TMEM74: variants seen among roughly 807,000 people sequenced by gnomAD.
TMEM74 encodes transmembrane protein 74.
TMEM74 carries 13 observed loss-of-function variants against 18.1 expected under a neutral mutation model. The observed-to-expected ratio is 0.72, with a 90% CI of 0.47 to 1.14. The LOEUF (loss-of-function observed/expected upper bound fraction) is 1.14, where lower values mean the gene tolerates loss of function less well. TMEM74 is among the 50% of genes most tolerant of loss of function. The pLI is 0.00. For synonymous variants in TMEM74, 159 were observed against 146.6 expected (o/e 1.08, Z -0.61); for missense variants, 372 against 375.9 (o/e 0.99, Z 0.09).
At position 108,780,091 on chromosome 8, in the gene TMEM74, A is replaced by G. The variant is rs560774329; in HGVS notation, c.*4090T>C. On this transcript the variant is annotated 3_prime_UTR_variant, in exon 2 of 2. Coordinates refer to ENST00000297459, the MANE Select transcript of TMEM74 (RefSeq NM_153015.3). ...TCATCGTAGTCATTCTTTATGTCCAATTCTGGGAAAGGTTAAACCCATTAC... is the reference window on the plus strand; with the variant it reads ...TCATCGTAGTCATTCTTTATGTCCAGTTCTGGGAAAGGTTAAACCCATTAC... Among the ~76,000 whole-genome samples the G allele has an allele frequency of 9.8e-5, 15 of 152,306 alleles. No individual in the cohort carries two copies. In the South Asian group the frequency reaches 2.5e-3, roughly 25 times the overall value.
Position 108,784,744 on chromosome 8 carries a change from TGATGTTTTTGTCCACATAGGTAAAA to T in TMEM74, c.330_354del (p.Phe111ThrfsTer37), listed in dbSNP as rs1358369163. The T allele has an allele frequency of 3.1e-6, 5 of 1,614,180 alleles. No homozygotes were observed. In the South Asian group the frequency reaches 5.5e-5, roughly 18 times the overall value. ...GAGCTCCGGTTCCGCTGCTCCAAGTTGATGTTTTTGTCCACATAGGTAAAAGAAGTTTCTAATTCCTGGCTGCAGC... is the reference window on the plus strand; with the variant it reads ...GAGCTCCGGTTCCGCTGCTCCAAGTTGAAGTTTCTAATTCCTGGCTGCAGC... On this transcript the variant is annotated frameshift_variant, in exon 2 of 2. Coordinates refer to ENST00000297459, the MANE Select transcript of TMEM74 (RefSeq NM_153015.3). LOFTEE classifies it high-confidence loss of function.
intron 1 of TMEM74, among the ~76,000 whole-genome samples, chr8:108,785,988 G>A (rs1240256792): frequency 6.6e-6 from 1 of 152,140 alleles, no homozygotes; most frequent in Admixed American, 6.5e-5. Flanking sequence ...CCAGCTGCAG[G>A]ATCTGCTACT....
chr8:108,616,061 A>G (rs561129043), intron 2 of TMEM74, among the ~76,000 whole-genome samples: 112 of 152,264 alleles, frequency 7.4e-4, no homozygotes, highest in African/African-American at 2.6e-3. Context: ...CTGGGATTAC[A>G]GGCCTGAGCC....
chr8:108,748,683 G>GTT (rs61210114), intron 1 of TMEM74, among the ~76,000 whole-genome samples: 3 of 132,710 alleles, frequency 2.3e-5, no homozygotes, highest in African/African-American at 5.4e-5. Context: ...TTCTTCTAGG[G>GTT]TTTTTTTTTT....
chr8:108,776,364 G>A (rs1050663681), downstream of TMEM74, among the ~76,000 whole-genome samples: 1 of 152,204 alleles, frequency 6.6e-6, no homozygotes, highest in Non-Finnish European at 1.5e-5. Context: ...GCAGTGGCAG[G>A]TGCCTGTAAT....
chr8:108,632,192 T>C (rs980372947), intron 2 of TMEM74, among the ~76,000 whole-genome samples: 3 of 151,856 alleles, frequency 2.0e-5, no homozygotes, highest in Non-Finnish European at 2.9e-5. Flanking sequence ...ATACAGGACA[T>C]GTGAATGAAT....
In TMEM74 at chr8:108,780,029, G is replaced by C. The variant is rs565829790; in HGVS notation, c.*4152C>G. 5.1e-4 allele frequency among the ~76,000 whole-genome samples: 78 copies of C among 152,236 alleles called. No individual in the cohort carries two copies. Among genetic ancestry groups the C allele is most frequent in the Non-Finnish European group, 8.8e-4 (60 of 68,016 alleles). On this transcript the variant is annotated 3_prime_UTR_variant, in exon 2 of 2. Transcript: ENST00000297459. ...TTCTCTTTCTTAAGTACTCTTTTTA[G>C]ACTAGGAAAAGCCAGTAAGACTTCA...
chr8:108,728,812 C>G (rs1813665818), intron 1 of TMEM74, among the ~76,000 whole-genome samples: 2 of 152,148 alleles, frequency 1.3e-5, no homozygotes, highest in Non-Finnish European at 2.9e-5. Context: ...TACAGACTCT[C>G]AACAAATACT....
chr8:108,681,642 A>G (rs192873894), intron 1 of TMEM74, among the ~76,000 whole-genome samples: 1 of 152,302 alleles, frequency 6.6e-6, no homozygotes, highest in African/African-American at 2.4e-5. Context: ...GGACTTCAAC[A>G]TATGAATTCT....
intron 1 of TMEM74, among the ~76,000 whole-genome samples, chr8:108,700,584 T>C (rs1391078237): frequency 6.6e-6 from 1 of 152,102 alleles, no homozygotes; most frequent in Non-Finnish European, 1.5e-5. Context: ...CCAGTGTTGA[T>C]CAACACTGCT....
At chr8:108,646,077 C>T (rs1052168270) in intron 2 of TMEM74, among the ~76,000 whole-genome samples, 15 of 149,654 alleles carry the variant, frequency 1.0e-4, no homozygotes, top group East Asian at 1.9e-4. Context: ...ATATTGTTCA[C>T]GAAGTTTTTT....
intron 2 of TMEM74, among the ~76,000 whole-genome samples, chr8:108,631,761 C>T (rs1020283037): frequency 6.6e-6 from 1 of 151,878 alleles, no homozygotes; most frequent in Non-Finnish European, 1.5e-5. Context: ...GCTTCTGGTG[C>T]CCCTTCTTTT....
intron 1 of TMEM74, among the ~76,000 whole-genome samples, chr8:108,770,178 G>A (rs933367659): frequency 6.6e-6 from 1 of 152,110 alleles, no homozygotes; most frequent in Non-Finnish European, 1.5e-5. Context: ...CAAATACAGA[G>A]AGGAGGAGAA....
intron 1 of TMEM74, among the ~76,000 whole-genome samples, chr8:108,730,504 G>T (rs780400249): frequency 5.3e-5 from 8 of 151,946 alleles, no homozygotes; most frequent in African/African-American, 1.9e-4. Context: ...AGAAATTGCC[G>T]TTTCCCCTGT....
chr8:108,706,545 G>A (rs1813412477), intron 1 of TMEM74, among the ~76,000 whole-genome samples: 1 of 152,042 alleles, frequency 6.6e-6, no homozygotes, highest in African/African-American at 2.4e-5. Context: ...TGAAGGTGGT[G>A]GGAATCATTG....
At chr8:108,775,655 A>G (rs905948553), downstream of TMEM74, among the ~76,000 whole-genome samples, 1 of 152,226 alleles carries the variant, frequency 6.6e-6, no homozygotes, top group African/African-American at 2.4e-5. Flanking sequence ...GCTCTTTGAC[A>G]TAAGGCAGCA....
rs771230298 is a variant in TMEM74 at position 108,781,585 on chromosome 8, T to C, written c.*2596A>G. ...GTCATTCAGATGATTTTCAAAATCA[T>C]GTAATGTGTAATGGTTTGCCCTCAG... is the stretch of plus-strand genomic sequence containing the variant. On this transcript the variant is annotated 3_prime_UTR_variant, in exon 2 of 2. Coordinates refer to ENST00000297459, the MANE Select transcript of TMEM74 (RefSeq NM_153015.3). Among the ~76,000 whole-genome samples, 1 of 152,196 alleles carries C rather than the reference T, an allele frequency of 6.6e-6. No individual in the cohort carries two copies. Among genetic ancestry groups the C allele is most frequent in the African/African-American group, 2.4e-5 (1 of 41,446 alleles).
chr8:108,645,231 C>T (rs1812706852), intron 2 of TMEM74, among the ~76,000 whole-genome samples: 1 of 152,086 alleles, frequency 6.6e-6, no homozygotes, highest in South Asian at 2.1e-4. Flanking sequence ...GGTCATTATC[C>T]TAATCAAATT....
intron 1 of TMEM74, among the ~76,000 whole-genome samples, chr8:108,690,169 G>A (rs1320997647): frequency 1.3e-5 from 2 of 152,044 alleles, no homozygotes; most frequent in African/African-American, 2.4e-5. Flanking sequence ...AAAAGTCAGA[G>A]CCAGGTTTGT....
Sources: gnomAD v4.1 joint callset for allele counts (sites outside exome capture counted in the v4.1 genomes callset) on GRCh38, gnomAD v4.1.1 for gene constraint, MANE v1.5 for transcripts, NCBI Gene and HGNC (gene_info 2026-07-23, HGNC 2026-07-21) for gene names.